The following INTS4 variants were observed in gnomAD, a reference collection of about 807,000 sequenced individuals.
INTS4 encodes the protein MSTP093.
In INTS4, 70 loss-of-function variants were observed where a neutral mutation model predicts 119.5. That is an observed-to-expected ratio of 0.59 (90% CI 0.48 to 0.71). The LOEUF (loss-of-function observed/expected upper bound fraction) is 0.71, where lower values mean the gene tolerates loss of function less well. Ranked by LOEUF, INTS4 falls within the 30% of genes least tolerant of loss-of-function variation. The probability of loss-of-function intolerance (pLI) is 0.00; values close to 1 mark genes in which losing one functional copy is unlikely to be tolerated. For missense variants in INTS4, 867 were observed against 1,173.2 expected, an observed-to-expected ratio of 0.74 and a Z score of 3.81; for synonymous variants, 316 against 419.6, an observed-to-expected ratio of 0.75 and a Z score of 3.02.
chr11:77,880,012 T>C (rs1452817562), intron 22 of INTS4, among the ~76,000 whole-genome samples: 1 of 152,182 alleles, frequency 6.6e-6, no homozygotes, highest in Non-Finnish European at 1.5e-5. Context: ...GCCCAGTTCA[T>C]AAACTGAAGC....
At chr11:77,937,006 C>T (rs1953811171) in intron 10 of INTS4, among the ~76,000 whole-genome samples, 1 of 152,060 alleles carries the variant, frequency 6.6e-6, no homozygotes, top group East Asian at 1.9e-4. Flanking sequence ...AAAACCCCGT[C>T]TCTACTAAAA....
chr11:77,921,020 C>T (rs905377717), intron 14 of INTS4, among the ~76,000 whole-genome samples: 11 of 151,730 alleles, frequency 7.2e-5, no homozygotes, highest in African/African-American at 2.7e-4. Context: ...GATACAAAAG[C>T]AAAAGTATAA....
At chr11:77,961,533 G>A (rs1021804159) in intron 4 of INTS4, among the ~76,000 whole-genome samples, 6 of 152,050 alleles carry the variant, frequency 3.9e-5, no homozygotes, top group Non-Finnish European at 5.9e-5. Context: ...AAAATCTTAA[G>A]TGTACAGCTC....
chr11:77,880,593 C>A (rs1416188283), intron 22 of INTS4, among the ~76,000 whole-genome samples: 1 of 152,160 alleles, frequency 6.6e-6, no homozygotes. Flanking sequence ...GCTTTCCTGC[C>A]ACACTCTCCC....
chr11:77,958,357 A>AT, intron 7 of INTS4, among the ~76,000 whole-genome samples: 2 of 152,344 alleles, frequency 1.3e-5, no homozygotes, highest in Middle Eastern at 6.8e-3. Flanking sequence ...GGAAAACTAC[A>AT]TAAGAGATCA....
chr11:77,942,661 T>C (rs867438029), intron 8 of INTS4, among the ~76,000 whole-genome samples: 6 of 152,276 alleles, frequency 3.9e-5, no homozygotes, highest in Non-Finnish European at 5.9e-5. Context: ...ATAAAGCCCA[T>C]CTTGCAACAG....
At chr11:77,961,791 C>G (rs1286285014) in intron 4 of INTS4, among the ~76,000 whole-genome samples, 1 of 152,166 alleles carries the variant, frequency 6.6e-6, no homozygotes, top group African/African-American at 2.4e-5. Context: ...TGGCAGATAG[C>G]AATGGTTCAT....
chr11:77,946,967 C>T (rs1954063064), intron 8 of INTS4, among the ~76,000 whole-genome samples: 1 of 149,356 alleles, frequency 6.7e-6, no homozygotes, highest in African/African-American at 2.5e-5. Context: ...AAAAAAGAAC[C>T]AAACAGAAAT....
chr11:77,897,010 A>C (rs183859346), intron 18 of INTS4, among the ~76,000 whole-genome samples: 128 of 151,922 alleles, frequency 8.4e-4, no homozygotes, highest in Middle Eastern at 3.4e-3. Context: ...GTAACATTAA[A>C]TACTAAAAGG....
chr11:77,960,753 C>T (rs902448630), intron 5 of INTS4, among the ~76,000 whole-genome samples, 200 bp downstream of exon 5: 1 of 152,078 alleles, frequency 6.6e-6, no homozygotes, highest in Non-Finnish European at 1.5e-5. Context: ...TTCATAAATA[C>T]ACATGAAAGC....
At chr11:77,912,866 G>T (rs1953120508) in intron 15 of INTS4, among the ~76,000 whole-genome samples, 1 of 152,116 alleles carries the variant, frequency 6.6e-6, no homozygotes, top group African/African-American at 2.4e-5. Context: ...AACGCAAAAA[G>T]AGGATTTTAA....
chr11:77,914,784 T>G (rs1190732752), intron 15 of INTS4, among the ~76,000 whole-genome samples: 1 of 152,162 alleles, frequency 6.6e-6, no homozygotes, highest in Non-Finnish European at 1.5e-5. Flanking sequence ...CAGGCTGTAG[T>G]CTGGGGACTC....
chr11:77,912,725 C>T (rs1467877385), intron 15 of INTS4, among the ~76,000 whole-genome samples: 2 of 151,986 alleles, frequency 1.3e-5, no homozygotes, highest in African/African-American at 4.8e-5. Flanking sequence ...TCTTGGTGAC[C>T]TCTAAAACGC....
At chr11:77,937,548 G>A (rs886366764) in intron 10 of INTS4, among the ~76,000 whole-genome samples, 4 of 152,014 alleles carry the variant, frequency 2.6e-5, no homozygotes, top group Non-Finnish European at 5.9e-5. Context: ...GTTAAAGACT[G>A]GCTTGGACAA....
At chr11:77,911,146 G>A (rs1953080922) in intron 15 of INTS4, 12 of 1,203,460 alleles carry the variant, frequency 1.0e-5, no homozygotes, top group Non-Finnish European at 1.3e-5. Flanking sequence ...CATCAAGAAG[G>A]AGATGCCTAC....
At chr11:77,956,457 A>G (rs1473291172) in intron 7 of INTS4, among the ~76,000 whole-genome samples, 1 of 152,140 alleles carries the variant, frequency 6.6e-6, no homozygotes. Flanking sequence ...CTGTAATGCC[A>G]GCACTTTGGG....
intron 15 of INTS4, chr11:77,911,001 G>T: frequency 7.8e-7 from 1 of 1,289,086 alleles, no homozygotes; most frequent in Non-Finnish European, 1.0e-6. Flanking sequence ...GAAGCTGTCT[G>T]TTTCAGGGCC....
At chr11:77,981,190 C>CAAAAAAAAAAAAAAAAAAAAA (rs35194381) in intron 3 of INTS4, among the ~76,000 whole-genome samples, 6 of 88,840 alleles carry the variant, frequency 6.8e-5, no homozygotes, top group Non-Finnish European at 4.5e-5. Flanking sequence ...AACAAACAAG[C>CAAAAAAAAAAAAAAAAAAAAA]AAAAAAAAAA....
intron 8 of INTS4, among the ~76,000 whole-genome samples, chr11:77,952,543 C>A (rs1471287451): frequency 6.6e-6 from 1 of 151,888 alleles, no homozygotes; most frequent in African/African-American, 2.4e-5. Context: ...ACTAAAAATG[C>A]CTCATTTAGT....
Sources: gnomAD v4.1 joint callset for allele counts (sites outside exome capture counted in the v4.1 genomes callset) on GRCh38, gnomAD v4.1.1 for gene constraint, MANE v1.5 for transcripts, NCBI Gene and HGNC (gene_info 2026-07-23, HGNC 2026-07-21) for gene names.